CASK: variants seen among roughly 807,000 people sequenced by gnomAD.
CASK encodes peripheral plasma membrane protein CASK.
Under a neutral mutation model 82.9 loss-of-function variants are expected in CASK, and 4 were observed. The ratio of observed to expected loss-of-function variants is 0.05; its 90% CI spans 0.02 to 0.11. The LOEUF (loss-of-function observed/expected upper bound fraction) is 0.11. Ranked by LOEUF, CASK falls within the 10% of genes least tolerant of loss-of-function variation. CASK has a pLI of 1.00. For missense variants in CASK, 358 were observed against 720.9 expected (o/e 0.50, Z 5.76); for synonymous variants, 259 against 253.5 (o/e 1.02, Z -0.20).
chrX:41,767,361 C>T (rs1235797606), intron 3 of CASK, among the ~76,000 whole-genome samples: 2 of 111,696 alleles, frequency 1.8e-5, no homozygotes, highest in Non-Finnish European at 1.9e-5. Flanking sequence ...GTTCCAGGAA[C>T]CAATCCCCTG....
intron 2 of CASK, among the ~76,000 whole-genome samples, chrX:41,800,651 C>A (rs985748210): frequency 9.2e-6 from 1 of 108,803 alleles, no homozygotes; most frequent in East Asian, 2.9e-4. Flanking sequence ...ATCCCTCCCC[C>A]CTTCCCCCAC....
At chrX:41,700,579 CTTTTTT>C (rs71826128) in intron 5 of CASK, among the ~76,000 whole-genome samples, 1 of 65,213 alleles carries the variant, frequency 1.5e-5, no homozygotes, top group African/African-American at 6.4e-5. Context: ...ACGTATATGA[CTTTTTT>C]TTTTTTTTTT....
chrX:41,812,873 G>A (rs1266402437), intron 2 of CASK, among the ~76,000 whole-genome samples: 2 of 112,078 alleles, frequency 1.8e-5, no homozygotes, highest in East Asian at 5.6e-4. Context: ...TCCTTAAGCT[G>A]ATAAGCAACT....
Position 41,518,967 on chromosome X carries a change from A to C in CASK, c.*1453T>G, listed in dbSNP as rs895262607. On this transcript the variant is annotated 3_prime_UTR_variant, in exon 27 of 27. Coordinates refer to ENST00000378163, the MANE Select transcript of CASK (RefSeq NM_001367721.1). ...TTCCCCTGTGCCAAGGGATACAGCA[A>C]GAGGAAGGAGAGACCACAGGTGGCC... is the stretch of plus-strand genomic sequence containing the variant. The C allele has an allele frequency of 1.8e-5, 2 of 111,521 alleles. No homozygotes were observed. Among genetic ancestry groups the C allele is most frequent in the Non-Finnish European group, 3.8e-5 (2 of 53,144 alleles). 9.2% of individuals were successfully genotyped at this position (111,521 alleles called of 1,213,427 possible).
chrX:41,809,151 C>A (rs1305414128), intron 2 of CASK, among the ~76,000 whole-genome samples: 1 of 112,445 alleles, frequency 8.9e-6, no homozygotes, highest in Non-Finnish European at 1.9e-5. Flanking sequence ...TCTGTAGACT[C>A]CACCTCTGGG....
At chrX:41,652,014 C>G (rs2066872733) in intron 8 of CASK, among the ~76,000 whole-genome samples, 1 of 111,143 alleles carries the variant, frequency 9.0e-6, no homozygotes, top group African/African-American at 3.3e-5. Context: ...CATTCCTTCC[C>G]CCACATTTTA....
At chrX:41,767,300 C>G (rs1040822488) in intron 3 of CASK, among the ~76,000 whole-genome samples, 2 of 111,591 alleles carry the variant, frequency 1.8e-5, no homozygotes, top group Non-Finnish European at 3.8e-5. Flanking sequence ...TATATGGGTT[C>G]CACAGGGCTG....
intron 2 of CASK, among the ~76,000 whole-genome samples, chrX:41,811,483 T>C (rs1408884250): frequency 8.9e-6 from 1 of 112,605 alleles, no homozygotes; most frequent in Non-Finnish European, 1.9e-5. Context: ...TGCTCCTGAA[T>C]GACTACTGGG....
intron 10 of CASK, 69 bp downstream of exon 10, chrX:41,626,535 C>G: frequency 1.4e-6 from 1 of 690,927 alleles, no homozygotes; most frequent in South Asian, 2.2e-5. Flanking sequence ...AAAGTTTATT[C>G]ACAATGGGAG....
Position 41,873,620 on chromosome X carries a change from T to C in CASK, c.60-20393A>G, listed in dbSNP as rs951184922. Among the ~76,000 whole-genome samples the C allele has an allele frequency of 3.6e-5, 4 of 111,066 alleles. No individual in the cohort carries two copies. The Admixed American group carries it at 3.8e-4, about 11-fold the overall frequency. ...ACTAAATAACAAAAAGTATATCTACTGAAAAGATGATGGACCACAATTCTT... is the reference window on the plus strand; with the variant it reads ...ACTAAATAACAAAAAGTATATCTACCGAAAAGATGATGGACCACAATTCTT... On this transcript the variant is annotated intron_variant, in intron 1 of 26. Coordinates refer to ENST00000378163, the MANE Select transcript of CASK (RefSeq NM_001367721.1).
intron 5 of CASK, among the ~76,000 whole-genome samples, chrX:41,683,722 C>A (rs959746092): frequency 3.0e-4 from 33 of 111,819 alleles, no homozygotes; most frequent in Non-Finnish European, 5.8e-4. Flanking sequence ...GGGATTAGTA[C>A]CCCAATCCCC....
At chrX:41,758,833 A>G (rs1428544426) in intron 3 of CASK, among the ~76,000 whole-genome samples, 1 of 112,460 alleles carries the variant, frequency 8.9e-6, no homozygotes, top group South Asian at 3.7e-4. Flanking sequence ...TGTTTAATAA[A>G]GCAATTCTGA....
chrX:41,802,602 T>C (rs919904933), intron 2 of CASK, among the ~76,000 whole-genome samples: 4 of 112,197 alleles, frequency 3.6e-5, no homozygotes, highest in African/African-American at 9.7e-5. Flanking sequence ...GTAAAGCACA[T>C]CATTGTAAAA....
chrX:41,807,479 C>T (rs2070146712), intron 2 of CASK, among the ~76,000 whole-genome samples: 1 of 111,851 alleles, frequency 8.9e-6, no homozygotes, highest in African/African-American at 3.2e-5. Context: ...CATTGCATCC[C>T]AGACACTTAG....
intron 2 of CASK, among the ~76,000 whole-genome samples, chrX:41,795,250 A>T (rs753922585): frequency 8.9e-6 from 1 of 112,537 alleles, no homozygotes; most frequent in Non-Finnish European, 1.9e-5. Context: ...AAAATGAGTT[A>T]ATTGTTTTGA....
chrX:41,834,293 T>C (rs901463549), intron 2 of CASK, among the ~76,000 whole-genome samples: 3 of 111,324 alleles, frequency 2.7e-5, no homozygotes, highest in Admixed American at 9.5e-5. Context: ...GGAAGGACAA[T>C]AGTAAAATGA....
At chrX:41,565,570 GC>G (rs1372550918) in intron 16 of CASK, among the ~76,000 whole-genome samples, 1 of 111,183 alleles carries the variant, frequency 9.0e-6, no homozygotes, top group Non-Finnish European at 1.9e-5. Context: ...CCAATAACAG[GC>G]CGTGAAATTG....
intron 7 of CASK, among the ~76,000 whole-genome samples, chrX:41,663,122 T>C (rs1344930899): frequency 9.0e-6 from 1 of 111,543 alleles, no homozygotes; most frequent in Non-Finnish European, 1.9e-5. Context: ...ATATGTTGAA[T>C]ACAGATAAAA....
At position 41,708,590 on chromosome X, in the gene CASK, A is replaced by G. The variant is rs187590979; in HGVS notation, c.429+30794T>C. The stretch of plus-strand genomic sequence containing the variant: ...ACAGAAATCCATTGTCTATACAATT[A>G]CTTTTTTTCTATCATGTGTAAAGTG... On this transcript the variant is annotated intron_variant, in intron 5 of 26. Transcript: ENST00000378163. 1.4e-4 allele frequency among the ~76,000 whole-genome samples: 16 copies of G among 112,547 alleles called. No individual in the cohort carries two copies. In the Admixed American group the frequency reaches 1.5e-3, roughly 11 times the overall value.
Sources: gnomAD v4.1 joint callset for allele counts (sites outside exome capture counted in the v4.1 genomes callset) on GRCh38, gnomAD v4.1.1 for gene constraint, MANE v1.5 for transcripts, NCBI Gene and HGNC (gene_info 2026-07-23, HGNC 2026-07-21) for gene names.